STK11: variants seen among roughly 807,000 people sequenced by gnomAD.
The protein encoded by STK11 is serine/threonine kinase 11, also known as serine/threonine-protein kinase STK11.
Under a neutral mutation model 47.3 loss-of-function variants are expected in STK11, and 8 were observed. The ratio of observed to expected loss-of-function variants is 0.17; its 90% CI spans 0.10 to 0.31. The LOEUF is 0.31. STK11 is among the 10% of genes least tolerant of loss of function. The pLI, the probability that STK11 is intolerant of heterozygous loss-of-function variation, is 1.00. For missense variants in STK11, 475 were observed against 605.0 expected (o/e 0.79, Z 2.25); for synonymous variants, 330 against 255.8 (o/e 1.29, Z -2.77).
chr19:1,207,876 C>G (rs891288444), intron 1 of STK11, among the ~76,000 whole-genome samples: 7 of 152,350 alleles, frequency 4.6e-5, no homozygotes, highest in Middle Eastern at 6.8e-3. Context: ...CTTCTTCAGG[C>G]ACGGGGCTGC....
intron 6 of STK11, 191 bp from the exon 7 acceptor site, chr19:1,221,758 G>A (rs1408161451): frequency 3.0e-5 from 20 of 656,850 alleles, no homozygotes; most frequent in South Asian, 3.8e-5. Context: ...TGCCAGCCGC[G>A]CACAGGCTGT....
chr19:1,218,249 G>A (rs886362978), intron 1 of STK11, among the ~76,000 whole-genome samples, 168 bp from the exon 2 acceptor site: 4 of 152,068 alleles, frequency 2.6e-5, no homozygotes, highest in Non-Finnish European at 2.9e-5. Context: ...GCCTGGACGC[G>A]TGGCCCCTGC....
rs1408925308 is a variant in STK11, at chr19:1,227,983, G to T, written c.*407G>T. The T allele has an allele frequency of 1.9e-6, 2 of 1,068,628 alleles. No homozygotes were observed. The highest frequency in any genetic ancestry group is 3.3e-5 in the African/African-American group (2 of 61,080). The allele number at this position is 1,068,628 out of a possible 1,614,324, so 66.2% of individuals were successfully genotyped here. A position where few individuals can be genotyped will look rare whatever the true frequency, so the allele number is the denominator to read the frequency against. The stretch of plus-strand genomic sequence containing the variant: ...GTGTGGAGACCAGGCTCCTGACCCC[G>T]CCATGCATGCAGCGCCACCTGGAAG... On this transcript the variant is annotated 3_prime_UTR_variant, in exon 10 of 10. Transcript: ENST00000326873.
At chr19:1,226,700 A>C (rs2145436943) in intron 9 of STK11, 37 bp downstream of exon 9, 1 of 1,457,808 alleles carries the variant, frequency 6.9e-7, no homozygotes, top group Non-Finnish European at 9.0e-7. Flanking sequence ...GCATGTGGGG[A>C]CAACGCCTGG....
chr19:1,226,987 G>A (rs963013128), intron 9 of STK11: 16 of 344,314 alleles, frequency 4.6e-5, no homozygotes, highest in Admixed American at 1.5e-4. Context: ...CCATGCCCGC[G>A]CCGCTTCCAG....
At chr19:1,219,445 C>CGGGGGCG (rs869127541) in intron 3 of STK11, 32 bp downstream of exon 3, 1 of 560,814 alleles carries the variant, frequency 1.8e-6, no homozygotes, top group Non-Finnish European at 3.0e-6. Context: ...CAGGGTGGGG[C>CGGGGGCG]GGGGGCCGGG....
intron 1 of STK11, 32 bp downstream of exon 1, chr19:1,207,235 C>G (rs2145406190): frequency 6.4e-7 from 1 of 1,569,316 alleles, no homozygotes; most frequent in South Asian, 1.2e-5. Context: ...CGGGGCCGGG[C>G]CGGGCCAGTC....
intron 9 of STK11, 120 bp from the exon 10 acceptor site, chr19:1,227,473 C>T (rs938198070): frequency 4.5e-5 from 46 of 1,025,240 alleles, no homozygotes; most frequent in African/African-American, 8.4e-5. Context: ...TCCCCTGCTG[C>T]CCCCCAGGAG....
At position 1,206,089 on chromosome 19, in the gene STK11, G is replaced by C. The variant is rs1790330527; in HGVS notation, c.-825G>C. Reference sequence around the variant, plus strand: ...CGCCGCCCCGCGGACCGGACGCTGAGGGCACTCGGGGCGGGGCGCGCGCTC... The same window carrying C: ...CGCCGCCCCGCGGACCGGACGCTGACGGCACTCGGGGCGGGGCGCGCGCTC... On this transcript the variant is annotated 5_prime_UTR_variant, in exon 1 of 10. Transcript: ENST00000326873. The C allele has an allele frequency of 2.0e-5, 3 of 146,494 alleles. No individual in the cohort carries two copies. In the South Asian group the frequency reaches 6.2e-4, roughly 30 times the overall value. The allele number at this position is 146,494 out of a possible 1,614,324, so 9.1% of individuals were successfully genotyped here. A position where few individuals can be genotyped will look rare whatever the true frequency, so the allele number is the denominator to read the frequency against.
intron 1 of STK11, among the ~76,000 whole-genome samples, chr19:1,217,034 C>T (rs932525572): frequency 4.6e-5 from 7 of 151,704 alleles, no homozygotes; most frequent in Non-Finnish European, 8.8e-5. Flanking sequence ...GGCTGCTGTG[C>T]GTCCTGCTGC....
At chr19:1,221,148 T>C in intron 5 of STK11, 65 bp from the exon 6 acceptor site, 6 of 1,597,050 alleles carry the variant, frequency 3.8e-6, no homozygotes, top group Non-Finnish European at 5.1e-6. Context: ...GGGGTAGAGC[T>C]GGGGCTCCTA....
chr19:1,220,586 G>A lies in STK11; in HGVS notation c.603G>A (p.Leu201=), dbSNP rs1599926767. 2 of 1,583,608 alleles carry A rather than the reference G, an allele frequency of 1.3e-6. No homozygotes were observed. Among genetic ancestry groups the A allele is most frequent in the Admixed American group, 1.8e-5 (1 of 56,002 alleles). Residue 201 remains leucine (L), a synonymous_variant, in exon 5 of 10, where the codon CTG becomes CTA. Transcript: ENST00000326873. ...KISDLGVAEA[L]HPFAADDTCR... ...GCTGCACGGCACCGCCACAGGCACT[G>A]CACCCGTTCGCGGCGGACGACACCT...
rs1251109815 is a variant in STK11, at chr19:1,220,849, G to A, written c.734+132G>A. ...ACCCTCTCTGGCCACAGCCGCTAGG[G>A]GGTGCTTACTTTATGGAAATGTAAC... On this transcript the variant is annotated intron_variant, in intron 5 of 9. Coordinates refer to ENST00000326873, the MANE Select transcript of STK11 (RefSeq NM_000455.5). 7.3e-6 allele frequency: 10 copies of A among 1,368,256 alleles called. 1 individual carries two copies. In the South Asian group the frequency reaches 1.3e-4, roughly 18 times the overall value. 84.8% of individuals were successfully genotyped at this position (1,368,256 alleles called of 1,614,324 possible).
rs1555740086 is a variant in STK11 at position 1,226,486 on chromosome 19, G to A, written c.1141G>A (p.Gly381Arg). ...QVPEEEASHN[G>R]QRRGLPKAVC... ...CCCAGAAGAGGAGGCCAGTCACAAT[G>A]GACAGCGCCGGGGCCTCCCCAAGGC... Residue 381 changes from glycine to arginine, a missense_variant, in exon 9 of 10, where the codon GGA becomes AGA. Transcript: ENST00000326873. 1 of 1,611,330 alleles carries A rather than the reference G, an allele frequency of 6.2e-7. No individual in the cohort carries two copies. Among genetic ancestry groups the A allele is most frequent in the Non-Finnish European group, 8.5e-7 (1 of 1,179,366 alleles).
intron 9 of STK11, 77 bp downstream of exon 9, chr19:1,226,740 C>T (rs1299072892): frequency 9.9e-6 from 14 of 1,409,272 alleles, no homozygotes; most frequent in Admixed American, 5.7e-5. Flanking sequence ...GCATAGCCCG[C>T]GCTAGTCAGT....
intron 1 of STK11, among the ~76,000 whole-genome samples, chr19:1,217,574 G>A (rs1192966580): frequency 6.6e-6 from 1 of 152,214 alleles, no homozygotes; most frequent in African/African-American, 2.4e-5. Flanking sequence ...GGCCAACTGG[G>A]CGGCAGCTGC....
chr19:1,214,300 C>CG (rs1299220748), intron 1 of STK11, among the ~76,000 whole-genome samples: 2 of 152,210 alleles, frequency 1.3e-5, no homozygotes, highest in Non-Finnish European at 2.9e-5. Flanking sequence ...TGGCATAAAT[C>CG]GGGGGACGCA....
intron 1 of STK11, among the ~76,000 whole-genome samples, chr19:1,213,804 C>T (rs1275371806): frequency 1.3e-5 from 2 of 152,202 alleles, no homozygotes; most frequent in East Asian, 3.8e-4. Flanking sequence ...ATTCAGGGAC[C>T]AGGGCACGCG....
In STK11 at chr19:1,226,597, T is replaced by A. The variant is rs730881991; in HGVS notation, c.1252T>A (p.Cys418Ser). Reference sequence around the variant, plus strand: ...GGCCCCCAACCCTGCCCGCAAGGCCTGCTCCGCCAGCAGCAAGATCCGCCG... The same window carrying A: ...GGCCCCCAACCCTGCCCGCAAGGCCAGCTCCGCCAGCAGCAAGATCCGCCG... ...GRAPNPARKA[C>S]SASSKIRRLS... Residue 418 changes from cysteine to serine, a missense_variant, in exon 9 of 10, where the codon TGC becomes AGC. Coordinates refer to ENST00000326873, the MANE Select transcript of STK11 (RefSeq NM_000455.5). 3.2e-6 allele frequency: 5 copies of A among 1,565,828 alleles called. No homozygotes were observed. In the African/African-American group the frequency reaches 5.4e-5, roughly 17 times the overall value.
Sources: gnomAD v4.1 joint callset for allele counts (sites outside exome capture counted in the v4.1 genomes callset) on GRCh38, gnomAD v4.1.1 for gene constraint, MANE v1.5 for transcripts, NCBI Gene and HGNC (gene_info 2026-07-23, HGNC 2026-07-21) for gene names.